Variants in CDK15 observed in about 807,000 individuals in gnomAD.
The protein encoded by CDK15 is cyclin dependent kinase 15, also known as cyclin-dependent kinase 15.
A neutral mutation model predicts 60.3 loss-of-function variants in CDK15; 62 were observed. The observed-to-expected ratio is 1.03, with a 90% confidence interval of 0.84 to 1.27. The LOEUF is 1.27. Ranked by LOEUF, CDK15 falls within the 50% of genes most tolerant of loss-of-function variation. The pLI, the probability that CDK15 is intolerant of heterozygous loss-of-function variation, is 0.00. For missense variants in CDK15, 541 were observed against 527.8 expected, an observed-to-expected ratio of 1.03 and a Z score of -0.25; for synonymous variants, 194 against 195.7, an observed-to-expected ratio of 0.99 and a Z score of 0.07.
At chr2:201,857,232 C>CA (rs567723960) in intron 10 of CDK15, among the ~76,000 whole-genome samples, 29 of 1,424 alleles carry the variant, frequency 0.02, 14 homozygotes, top group African/African-American at 0.088. Flanking sequence ...GACTCCGTCT[C>CA]AAAAAAAAAA....
intron 12 of CDK15, chr2:201,889,352 C>A (rs1699563546): frequency 1.0e-6 from 1 of 984,642 alleles, no homozygotes; most frequent in Non-Finnish European, 1.2e-6. Context: ...GCTTTGGTGA[C>A]AATGTGGCTG....
chr2:201,818,364 C>T (rs1696079747), intron 4 of CDK15, among the ~76,000 whole-genome samples: 1 of 152,114 alleles, frequency 6.6e-6, no homozygotes, highest in Admixed American at 6.6e-5. Flanking sequence ...AATAAGTATA[C>T]ATAGGATACA....
intron 10 of CDK15, chr2:201,860,660 A>G: frequency 7.5e-7 from 1 of 1,333,460 alleles, no homozygotes; most frequent in Non-Finnish European, 9.9e-7. Context: ...AGGGACCAGA[A>G]TCAGATGTAC....
chr2:201,854,715 C>T (rs1258421676), intron 9 of CDK15, 159 bp from the exon 10 acceptor site: 2 of 619,010 alleles, frequency 3.2e-6, no homozygotes, highest in East Asian at 5.5e-5. Flanking sequence ...TGGAAACACT[C>T]AAGTTTCTTT....
chr2:201,821,353 G>T (rs1478196995), intron 4 of CDK15, among the ~76,000 whole-genome samples: 1 of 152,036 alleles, frequency 6.6e-6, no homozygotes, highest in African/African-American at 2.4e-5. Context: ...ATGGTCTGAG[G>T]AAGAAGACGG....
chr2:201,847,475 G>A lies in CDK15; in HGVS notation c.945+1G>A. On this transcript the variant is annotated splice_donor_variant, in intron 9 of 13. Transcript: ENST00000652192. LOFTEE classifies it high-confidence loss of function. ...TGAACAGCTGGAGAAAATCTGGGAG[G>A]TAGGAGAATAATTCTTCTAAAGAAA... 1 of 1,612,258 alleles carries A rather than the reference G, an allele frequency of 6.2e-7. No individual in the cohort carries two copies. Among genetic ancestry groups the A allele is most frequent in the Non-Finnish European group, 8.5e-7 (1 of 1,178,770 alleles).
chr2:201,816,167 G>A (rs1159617801), intron 4 of CDK15, among the ~76,000 whole-genome samples: 2 of 152,042 alleles, frequency 1.3e-5, no homozygotes, highest in African/African-American at 2.4e-5. Context: ...ACATGTCCAG[G>A]TTTGTTACAT....
chr2:201,848,701 T>C (rs1697776407), intron 9 of CDK15, among the ~76,000 whole-genome samples: 1 of 152,214 alleles, frequency 6.6e-6, no homozygotes, highest in Admixed American at 6.5e-5. Flanking sequence ...TCAAGGTTCA[T>C]CCATGTTGTA....
Position 201,879,967 on chromosome 2 carries a change from C to T in CDK15, c.1059-61C>T. 7.0e-6 allele frequency: 11 copies of T among 1,578,484 alleles called. No homozygotes were observed. The Admixed American group carries it at 1.1e-4, about 16-fold the overall frequency. On this transcript the variant is annotated intron_variant, in intron 11 of 13. Transcript: ENST00000652192. ...CTTTTCTTTACTTTTTGTTTTTATC[C>T]CTTTGTTTTTCAGAAGGGAGGCTGC...
At chr2:201,859,439 C>G (rs749498975) in intron 10 of CDK15, among the ~76,000 whole-genome samples, 2 of 152,166 alleles carry the variant, frequency 1.3e-5, no homozygotes, top group Non-Finnish European at 2.9e-5. Flanking sequence ...AAGACTGAAG[C>G]CCTGGGCAGT....
intron 3 of CDK15, among the ~76,000 whole-genome samples, chr2:201,810,094 A>G (rs1487944483): frequency 6.6e-6 from 1 of 152,146 alleles, no homozygotes; most frequent in Non-Finnish European, 1.5e-5. Flanking sequence ...ATATTTGCCA[A>G]AAAACTTTTT....
intron 3 of CDK15, among the ~76,000 whole-genome samples, chr2:201,809,464 T>C (rs1695658927): frequency 6.6e-6 from 1 of 152,258 alleles, no homozygotes. Flanking sequence ...GCCATGATTA[T>C]ATATTAGATC....
At chr2:201,814,730 C>G (rs764463085) in intron 4 of CDK15, among the ~76,000 whole-genome samples, 5 of 152,156 alleles carry the variant, frequency 3.3e-5, no homozygotes, top group Non-Finnish European at 7.3e-5. Flanking sequence ...CTTTAAAAAG[C>G]CTTGAAGCAG....
chr2:201,883,093 T>G (rs1699339285), intron 12 of CDK15, among the ~76,000 whole-genome samples: 1 of 152,256 alleles, frequency 6.6e-6, no homozygotes, highest in Non-Finnish European at 1.5e-5. Flanking sequence ...GGAGAGTTTC[T>G]CTGCCATAAT....
chr2:201,880,429 A>G (rs1699236618), intron 12 of CDK15, among the ~76,000 whole-genome samples: 1 of 152,206 alleles, frequency 6.6e-6, no homozygotes, highest in Non-Finnish European at 1.5e-5. Context: ...GACATTTCAC[A>G]GGTACACATT....
rs908199180 is a variant in CDK15, at chr2:201,875,646, G to C, written c.1058+3320G>C. Among the ~76,000 whole-genome samples, 58 of 152,164 alleles carry C rather than the reference G, an allele frequency of 3.8e-4. 2 individuals are homozygous for C. On this transcript the variant is annotated intron_variant, in intron 11 of 13. Coordinates refer to ENST00000652192, the MANE Select transcript of CDK15 (RefSeq NM_001366386.2). ...AGCCAGTAAAATAATGTCCTAGAAA[G>C]TGATTCAAAGTTATGGGAAGATGAT...
intron 6 of CDK15, among the ~76,000 whole-genome samples, chr2:201,833,026 G>A (rs187225871): frequency 5.2e-5 from 7 of 134,014 alleles, no homozygotes; most frequent in South Asian, 5.6e-4. Context: ...TTTTTTTCCC[G>A]TAAGTTTCTG....
chr2:201,879,966 C>A (rs1001657274), intron 11 of CDK15, 62 bp from the exon 12 acceptor site: 3 of 1,576,532 alleles, frequency 1.9e-6, no homozygotes, highest in Non-Finnish European at 2.6e-6. Context: ...TTGTTTTTAT[C>A]CCTTTGTTTT....
At chr2:201,884,944 T>G (rs10490084) in intron 12 of CDK15, among the ~76,000 whole-genome samples, 14,309 of 152,178 alleles carry the variant, frequency 0.094, 1,167 homozygotes, top group African/African-American at 0.21. Context: ...ACAAATAAAG[T>G]GCTCTAAGTG....
Sources: allele counts gnomAD v4.1 joint callset (sites outside exome capture counted in the v4.1 genomes callset), GRCh38; gene constraint gnomAD v4.1.1; transcripts MANE v1.5; gene names NCBI Gene and HGNC (gene_info 2026-07-23, HGNC 2026-07-21).